The following IGF1R variants were observed in gnomAD, a reference collection of about 807,000 sequenced individuals.
The protein encoded by IGF1R is insulin-like growth factor 1 receptor.
In IGF1R, 44 loss-of-function variants were observed where a neutral mutation model predicts 144.6. That is an observed-to-expected ratio of 0.30 (90% CI 0.24 to 0.39). IGF1R has a LOEUF of 0.39. IGF1R is among the 10% of genes least tolerant of loss of function. The pLI, the probability that IGF1R is intolerant of heterozygous loss-of-function variation, is 1.00. For synonymous variants in IGF1R, 795 were observed against 722.8 expected (o/e 1.10, Z -1.60); for missense variants, 1,355 against 1,833.7 (o/e 0.74, Z 4.77).
At position 98,891,294 on chromosome 15, in the gene IGF1R, T is replaced by A. The variant is rs1459504571; in HGVS notation, c.641-31T>A. ...AGAAGGCGGTGCCTCCCCTGCCCGG[T>A]CTCATCTCCGTCTCTCCTCTCTCTC... is the stretch of plus-strand genomic sequence containing the variant. On this transcript the variant is annotated intron_variant, in intron 2 of 20. Coordinates refer to ENST00000650285, the MANE Select transcript of IGF1R (RefSeq NM_000875.5). The surrounding 1 kb of genome is among the most constrained non-coding windows in gnomAD (Gnocchi z 4.7). 3.1e-6 allele frequency: 5 copies of A among 1,599,590 alleles called. No individual in the cohort carries two copies. The South Asian group carries it at 5.5e-5, about 18-fold the overall frequency.
At chr15:98,956,925 G>A (rs2017011683) in intron 20 of IGF1R, 136 bp from the exon 21 acceptor site, 2 of 972,268 alleles carry the variant, frequency 2.1e-6, no homozygotes, top group East Asian at 2.4e-5. Context: ...GCCAGGGATG[G>A]AGAGGGGCAG....
At chr15:98,814,538 G>T (rs1026387811) in intron 2 of IGF1R, among the ~76,000 whole-genome samples, 1 of 152,124 alleles carries the variant, frequency 6.6e-6, no homozygotes, top group Non-Finnish European at 1.5e-5. Context: ...GTAGAGATGG[G>T]GGTCTCACCG....
At chr15:98,896,000 G>A (rs1013990931) in intron 3 of IGF1R, among the ~76,000 whole-genome samples, 1 of 151,918 alleles carries the variant, frequency 6.6e-6, no homozygotes. Context: ...ATAATGGTAG[G>A]TAAGCAGGAA....
intron 2 of IGF1R, among the ~76,000 whole-genome samples, chr15:98,817,794 G>A (rs564858586): frequency 6.6e-6 from 1 of 152,280 alleles, no homozygotes; most frequent in East Asian, 1.9e-4. Flanking sequence ...CAAGCTCTGG[G>A]GAGATCCCTT....
At chr15:98,943,189 A>G in intron 19 of IGF1R, 137 bp downstream of exon 19, 1 of 973,190 alleles carries the variant, frequency 1.0e-6, no homozygotes, top group African/African-American at 1.6e-5. Context: ...TGTGAGCCAC[A>G]CTTCTTCATC....
At chr15:98,939,710 A>G (rs2016295844) in intron 18 of IGF1R, among the ~76,000 whole-genome samples, 1 of 152,220 alleles carries the variant, frequency 6.6e-6, no homozygotes. Flanking sequence ...CTCACTGTCC[A>G]ACCTTGCATT....
chr15:98,654,200 G>A (rs1403113721), intron 1 of IGF1R, among the ~76,000 whole-genome samples: 2 of 152,046 alleles, frequency 1.3e-5, no homozygotes, highest in South Asian at 2.1e-4. Flanking sequence ...GGTGCTTTCC[G>A]TTATATTGGG....
intron 2 of IGF1R, among the ~76,000 whole-genome samples, chr15:98,805,305 A>AT (rs762845169): frequency 3.4e-4 from 51 of 149,950 alleles, no homozygotes; most frequent in East Asian, 1.6e-3. Context: ...CCACACGCTG[A>AT]TTTTTTTTTT....
intron 19 of IGF1R, among the ~76,000 whole-genome samples, chr15:98,945,390 C>A (rs1040016795): frequency 2.0e-5 from 3 of 152,178 alleles, no homozygotes; most frequent in African/African-American, 7.2e-5. Context: ...AATGCTGCCT[C>A]CAGCCAGCAC....
At chr15:98,858,861 C>T (rs761627549) in intron 2 of IGF1R, among the ~76,000 whole-genome samples, 73 of 152,146 alleles carry the variant, frequency 4.8e-4, no homozygotes, top group Non-Finnish European at 9.4e-4. Context: ...CATCTGGGAC[C>T]AGCTATGTTT....
chr15:98,710,662 TTTA>T (rs1445134106), intron 2 of IGF1R, among the ~76,000 whole-genome samples: 2 of 145,656 alleles, frequency 1.4e-5, no homozygotes, highest in Non-Finnish European at 3.0e-5. Flanking sequence ...CTGTTTCCTT[TTTA>T]TTCTTTTTTT....
At chr15:98,883,266 T>G (rs893477020) in intron 2 of IGF1R, among the ~76,000 whole-genome samples, 6 of 152,230 alleles carry the variant, frequency 3.9e-5, no homozygotes, top group African/African-American at 1.2e-4. Flanking sequence ...GGAAGTTGTT[T>G]TAAACTCTTC....
At chr15:98,814,774 A>C (rs1232244997) in intron 2 of IGF1R, among the ~76,000 whole-genome samples, 1 of 151,466 alleles carries the variant, frequency 6.6e-6, no homozygotes, top group East Asian at 1.9e-4. Context: ...AAATGAATGG[A>C]AGACCAAAAA....
chr15:98,847,852 G>T (rs1225699231), intron 2 of IGF1R, among the ~76,000 whole-genome samples: 1 of 152,208 alleles, frequency 6.6e-6, no homozygotes, highest in Non-Finnish European at 1.5e-5. Flanking sequence ...ACCAATGAAA[G>T]GAAGAGAGGA....
intron 1 of IGF1R, among the ~76,000 whole-genome samples, chr15:98,651,832 G>A (rs2052375031): frequency 6.6e-6 from 1 of 152,164 alleles, no homozygotes; most frequent in African/African-American, 2.4e-5. Context: ...CTCGATTATG[G>A]TTTGCTGAAG....
At chr15:98,924,121 A>G (rs764913525) in intron 12 of IGF1R, 109 bp downstream of exon 12, 5 of 1,108,670 alleles carry the variant, frequency 4.5e-6, no homozygotes, top group Non-Finnish European at 6.9e-6. Context: ...TAAAACAATA[A>G]AATCCATGCC....
At chr15:98,811,662 G>C (rs199947121) in intron 2 of IGF1R, among the ~76,000 whole-genome samples, 2 of 151,252 alleles carry the variant, frequency 1.3e-5, no homozygotes, top group African/African-American at 2.4e-5. Context: ...CGTGGTGGCT[G>C]ACGCCTGTAA....
At chr15:98,901,662 G>T (rs149796187) in intron 5 of IGF1R, among the ~76,000 whole-genome samples, 41 of 152,342 alleles carry the variant, frequency 2.7e-4, no homozygotes, top group African/African-American at 9.1e-4. Flanking sequence ...GTGCAAAGCA[G>T]AACTCGCACA....
chr15:98,652,935 T>C (rs560504349), intron 1 of IGF1R, among the ~76,000 whole-genome samples: 298 of 46,300 alleles, frequency 6.4e-3, no homozygotes, highest in African/African-American at 0.026. Flanking sequence ...CAATAAACCC[T>C]TTTTTTTTTT....
Sources: allele counts gnomAD v4.1 joint callset (sites outside exome capture counted in the v4.1 genomes callset), GRCh38; gene constraint gnomAD v4.1.1; non-coding constraint Gnocchi (gnomAD v3.1); transcripts MANE v1.5; gene names NCBI Gene and HGNC (gene_info 2026-07-23, HGNC 2026-07-21).